Variants in ZNF423 observed in about 807,000 individuals in gnomAD.
ZNF423 encodes the protein zinc finger protein 423, also known as Ebf-associated zinc finger protein.
In ZNF423, 12 loss-of-function variants were observed where a neutral mutation model predicts 95.8. The ratio of observed to expected loss-of-function variants is 0.13; its 90% CI spans 0.08 to 0.20. ZNF423 has a LOEUF of 0.20. Ranked by LOEUF, ZNF423 falls within the 10% of genes least tolerant of loss-of-function variation. ZNF423 has a pLI of 1.00. For missense variants in ZNF423, 1,316 were observed against 1,737.1 expected, an observed-to-expected ratio of 0.76 and a Z score of 4.31; for synonymous variants, 749 against 711.9, an observed-to-expected ratio of 1.05 and a Z score of -0.83.
chr16:49,616,832 A>C (rs1478512749), intron 5 of ZNF423, among the ~76,000 whole-genome samples: 1 of 152,172 alleles, frequency 6.6e-6, no homozygotes, highest in Non-Finnish European at 1.5e-5. Flanking sequence ...TAGGCTTAGC[A>C]TGGCCGGTTT....
chr16:49,788,815 C>G (rs8057822), intron 2 of ZNF423, among the ~76,000 whole-genome samples: 1 of 152,254 alleles, frequency 6.6e-6, no homozygotes, highest in East Asian at 1.9e-4. Context: ...ACAGGAGAGC[C>G]TGGGCCCTCA....
intron 2 of ZNF423, 83 bp downstream of exon 2, chr16:49,789,404 A>G: frequency 7.2e-7 from 1 of 1,391,070 alleles, no homozygotes. Flanking sequence ...TATCATTTCC[A>G]TAACCAGCTG....
intron 3 of ZNF423, among the ~76,000 whole-genome samples, chr16:49,685,458 GT>G (rs1450953426): frequency 1.3e-5 from 2 of 152,084 alleles, no homozygotes; most frequent in Non-Finnish European, 2.9e-5. Context: ...TACCAGCTTT[GT>G]CCCCCAGGCC....
At chr16:49,761,840 C>G (rs1441898073) in intron 2 of ZNF423, among the ~76,000 whole-genome samples, 1 of 152,156 alleles carries the variant, frequency 6.6e-6, no homozygotes, top group African/African-American at 2.4e-5. Flanking sequence ...GAGAGAGAGA[C>G]AGGGTCTCAT....
intron 1 of ZNF423, among the ~76,000 whole-genome samples, chr16:49,815,442 A>T (rs1327292492): frequency 6.6e-6 from 1 of 152,122 alleles, no homozygotes; most frequent in Non-Finnish European, 1.5e-5. Flanking sequence ...CTGCTTCATC[A>T]GGCACAGTGG....
At chr16:49,607,003 AT>A (rs1325543351) in intron 5 of ZNF423, among the ~76,000 whole-genome samples, 1 of 151,866 alleles carries the variant, frequency 6.6e-6, no homozygotes, top group African/African-American at 2.4e-5. Flanking sequence ...CTGAACCCAG[AT>A]TCTGATCCTG....
intron 5 of ZNF423, among the ~76,000 whole-genome samples, chr16:49,589,961 G>A (rs761454498): frequency 2.7e-5 from 4 of 150,840 alleles, no homozygotes; most frequent in Non-Finnish European, 4.4e-5. Context: ...CAAAGGTTGT[G>A]AAATTCCAAC....
intron 7 of ZNF423, among the ~76,000 whole-genome samples, chr16:49,505,516 C>T (rs1288481648): frequency 6.6e-6 from 1 of 152,098 alleles, no homozygotes; most frequent in African/African-American, 2.4e-5. Flanking sequence ...GGCCCCCAGC[C>T]CCTCATGGCC....
chr16:49,661,867 T>G (rs896193549), intron 3 of ZNF423, among the ~76,000 whole-genome samples: 2 of 152,200 alleles, frequency 1.3e-5, no homozygotes, highest in Non-Finnish European at 2.9e-5. Context: ...GATACGTTAA[T>G]GGACCTCTCT....
Position 49,638,277 on chromosome 16 carries a change from T to C in ZNF423, c.899A>G (p.Lys300Arg), listed in dbSNP as rs1330432720. ...GCAGTGAATGCACTGCAGGTCCGCC[T>C]TCTCGGACAGCTGCGGGTGGCGGGT... ...VLTRHPQLSE[K>R]ADLQCIHCPE... The change falls in exon 4 of 8, where the codon AAG becomes AGG. Residue 300 changes from lysine (K) to arginine (R), a missense_variant. Coordinates refer to ENST00000563137, the MANE Select transcript of ZNF423 (RefSeq NM_001379286.1). This position sits in a 1 kb window ranked among gnomAD's most constrained non-coding sequence, Gnocchi z 5.6. 1.9e-6 allele frequency: 3 copies of C among 1,613,438 alleles called. No homozygotes were observed. The South Asian group carries it at 3.3e-5, about 18-fold the overall frequency.
chr16:49,646,735 G>A (rs999876184), intron 3 of ZNF423, among the ~76,000 whole-genome samples: 2 of 151,626 alleles, frequency 1.3e-5, no homozygotes, highest in Admixed American at 6.6e-5. Flanking sequence ...CACCACACCC[G>A]GCTAATATTT....
At chr16:49,801,298 AGG>A (rs2034579379) in intron 1 of ZNF423, among the ~76,000 whole-genome samples, 1 of 152,168 alleles carries the variant, frequency 6.6e-6, no homozygotes, top group African/African-American at 2.4e-5. Flanking sequence ...CTGGCACTGG[AGG>A]CTTTTACAGA....
At position 49,492,869 on chromosome 16, in the gene ZNF423, C is replaced by G. The variant is rs1331298949; in HGVS notation, c.3850-1565G>C. On this transcript the variant is annotated intron_variant, in intron 7 of 7. Coordinates refer to ENST00000563137, the MANE Select transcript of ZNF423 (RefSeq NM_001379286.1). This position sits in a 1 kb window ranked among gnomAD's most constrained non-coding sequence, Gnocchi z 4.2. ...TCACCCAGGTTGGAAGCACCGGGCA[C>G]TGAACCAGATGGCTGGAATCCACTA... is the stretch of plus-strand genomic sequence containing the variant. Among the ~76,000 whole-genome samples the G allele has an allele frequency of 2.0e-5, 3 of 152,174 alleles. No individual in the cohort carries two copies. Among genetic ancestry groups the G allele is most frequent in the Admixed American group, 6.5e-5 (1 of 15,290 alleles).
chr16:49,840,961 G>A (rs1040479751), intron 1 of ZNF423, among the ~76,000 whole-genome samples: 7 of 152,328 alleles, frequency 4.6e-5, no homozygotes, highest in African/African-American at 1.2e-4. Flanking sequence ...GGACGGATTC[G>A]AGGAGAGATC....
intron 1 of ZNF423, among the ~76,000 whole-genome samples, chr16:49,802,132 G>A (rs1402076978): frequency 6.6e-6 from 1 of 152,174 alleles, no homozygotes; most frequent in Non-Finnish European, 1.5e-5. Flanking sequence ...ACAGGAGTGA[G>A]CCACCATGCC....
chr16:49,668,231 G>A (rs2030636007), intron 3 of ZNF423, among the ~76,000 whole-genome samples: 4 of 152,108 alleles, frequency 2.6e-5, no homozygotes, highest in Admixed American at 1.3e-4. Flanking sequence ...GTAGGAGGTG[G>A]GAAAGAACCT....
chr16:49,555,083 TA>T (rs912249570), intron 5 of ZNF423, among the ~76,000 whole-genome samples: 23 of 151,794 alleles, frequency 1.5e-4, no homozygotes, highest in East Asian at 5.8e-4. Context: ...AATTAAATGT[TA>T]AAAAAAAATT....
intron 5 of ZNF423, among the ~76,000 whole-genome samples, chr16:49,549,801 C>A (rs1474251299): frequency 2.0e-5 from 3 of 152,186 alleles, no homozygotes; most frequent in African/African-American, 7.2e-5. Flanking sequence ...GAACTAACTA[C>A]ATTTCTGAAC....
chr16:49,715,969 G>C (rs1235758688), intron 3 of ZNF423, among the ~76,000 whole-genome samples: 2 of 152,016 alleles, frequency 1.3e-5, no homozygotes, highest in African/African-American at 4.8e-5. Context: ...GATTGCTTGA[G>C]CCCAGGAGGT....
Sources: allele counts gnomAD v4.1 joint callset (sites outside exome capture counted in the v4.1 genomes callset), GRCh38; gene constraint gnomAD v4.1.1; non-coding constraint Gnocchi (gnomAD v3.1); transcripts MANE v1.5; gene names NCBI Gene and HGNC (gene_info 2026-07-23, HGNC 2026-07-21).